Variants in RPL11 observed in about 807,000 individuals in gnomAD.
RPL11 encodes ribosomal protein L11.
A neutral mutation model predicts 24.1 loss-of-function variants in RPL11; 3 were observed. The observed-to-expected ratio is 0.12, with a 90% CI of 0.06 to 0.32. The LOEUF (loss-of-function observed/expected upper bound fraction) is 0.32. Ranked by LOEUF, RPL11 falls within the 10% of genes least tolerant of loss-of-function variation. The pLI is 1.00. For missense variants in RPL11, 146 were observed against 225.7 expected (o/e 0.65, Z 2.26); for synonymous variants, 96 against 75.7 (o/e 1.27, Z -1.39).
rs1424229767 is a variant in RPL11, at chr1:23,696,695, G to T, written c.*322G>T. The T allele has an allele frequency of 4.5e-6, 2 of 448,502 alleles. No individual in the cohort carries two copies. Among genetic ancestry groups the T allele is most frequent in the Admixed American group, 3.5e-5 (1 of 28,536 alleles). The allele number at this position is 448,502 out of a possible 1,614,324, so 27.8% of individuals were successfully genotyped here. On this transcript the variant is annotated 3_prime_UTR_variant, in exon 6 of 6. Transcript: ENST00000643754. Reference sequence around the variant, plus strand: ...GAATTTAGAGCCTTGGTTAAGCAGGGTGCAGTGCTCCTGTGTTCCAGGAGG... The same window carrying T: ...GAATTTAGAGCCTTGGTTAAGCAGGTTGCAGTGCTCCTGTGTTCCAGGAGG...
chr1:23,692,807 G>A (rs1422040468), intron 2 of RPL11, 48 bp downstream of exon 2: 1 of 1,610,632 alleles, frequency 6.2e-7, no homozygotes, highest in East Asian at 2.2e-5. Context: ...GGGTCGCTTG[G>A]TTGTTTCTTG....
At chr1:23,692,206 C>T (rs1644504714) in intron 1 of RPL11, 1 of 443,850 alleles carries the variant, frequency 2.3e-6, no homozygotes, top group Admixed American at 3.7e-5. Context: ...AGGTGCCAGC[C>T]TTTAGACAGC....
rs1273520076 is a variant in RPL11 at position 23,696,405 on chromosome 1, A to C, written c.*32A>C. On this transcript the variant is annotated 3_prime_UTR_variant, in exon 6 of 6. Coordinates refer to ENST00000643754, the MANE Select transcript of RPL11 (RefSeq NM_000975.5). ...GTTTCTATCCAAAAGAGCAATAAAAAGTTTTCAGTGAAATGTGCAATTCTG... is the reference window on the plus strand; with the variant it reads ...GTTTCTATCCAAAAGAGCAATAAAACGTTTTCAGTGAAATGTGCAATTCTG... 2.5e-6 allele frequency: 4 copies of C among 1,605,852 alleles called. No individual in the cohort carries two copies. Among genetic ancestry groups the C allele is most frequent in the East Asian group, 2.2e-5 (1 of 44,838 alleles).
At chr1:23,694,855 GT>G in intron 4 of RPL11, 64 bp downstream of exon 4, 1 of 1,609,572 alleles carries the variant, frequency 6.2e-7, no homozygotes, top group East Asian at 2.2e-5. Context: ...TATTTCATAT[GT>G]GGTATGTTGG....
chr1:23,694,562 C>G (rs1180081688), intron 3 of RPL11, 98 bp from the exon 4 acceptor site: 39 of 1,535,702 alleles, frequency 2.5e-5, no homozygotes, highest in Non-Finnish European at 3.1e-5. Flanking sequence ...TCTGTTTGCT[C>G]TGGGGTGCAT....
chr1:23,691,867 G>A (rs762152345), intron 1 of RPL11, 38 bp downstream of exon 1: 5 of 1,614,044 alleles, frequency 3.1e-6, no homozygotes, highest in Non-Finnish European at 4.2e-6. Flanking sequence ...TCCTTTATCC[G>A]TCGCCATCCA....
rs1644508953 is a variant in RPL11 at position 23,692,740 on chromosome 1, G to A, written c.138G>A (p.Gln46=). 2 of 1,613,854 alleles carry A rather than the reference G, an allele frequency of 1.2e-6. No individual in the cohort carries two copies. The highest frequency in any genetic ancestry group is 4.5e-5 in the East Asian group (2 of 44,884). The change falls in exon 2 of 6, where the codon CAG becomes CAA. Residue 46 remains glutamine, a synonymous_variant. Transcript: ENST00000643754. The part of the protein sequence containing the change: ...AAKVLEQLTG[Q]TPVFSKARYT... ...AGGTGTTGGAGCAGCTCACAGGGCA[G>A]ACCCCTGTGTTTTCCAAAGGTGAGT...
intron 2 of RPL11, 139 bp from the exon 3 acceptor site, chr1:23,693,668 C>T: frequency 2.9e-6 from 2 of 688,602 alleles, no homozygotes; most frequent in South Asian, 1.5e-5. Context: ...GTGGGAGACA[C>T]TAATTAGAAC....
At chr1:23,692,210 A>C in intron 1 of RPL11, 1 of 442,486 alleles carries the variant, frequency 2.3e-6, no homozygotes, top group South Asian at 2.4e-5. Context: ...GCCAGCCTTT[A>C]GACAGCTTCC....
chr1:23,695,090 G>A (rs1644525503), intron 4 of RPL11: 1 of 435,478 alleles, frequency 2.3e-6, no homozygotes, highest in African/African-American at 2.0e-5. Flanking sequence ...TTGAAACTTT[G>A]GAGAGAGGCA....
intron 4 of RPL11, 63 bp from the exon 5 acceptor site, chr1:23,695,735 A>G: frequency 7.2e-7 from 1 of 1,395,208 alleles, no homozygotes; most frequent in Non-Finnish European, 9.9e-7. Context: ...GTAATGTGTG[A>G]GTCTTGTCCA....
chr1:23,691,784 C>G (rs772755189), upstream of RPL11: 1 of 1,613,432 alleles, frequency 6.2e-7, no homozygotes, highest in Admixed American at 1.7e-5. Context: ...CCCATAAGGC[C>G]CTCGGCCGGA....
At chr1:23,695,213 G>C (rs1404648022) in intron 4 of RPL11, 1 of 311,696 alleles carries the variant, frequency 3.2e-6, no homozygotes, top group Non-Finnish European at 6.2e-6. Flanking sequence ...TCAGGAAGGG[G>C]GTTTTAACAT....
At position 23,692,772 on chromosome 1, in the gene RPL11, A is replaced by G; in HGVS notation, c.157+13A>G. ...GTGTTTTCCAAAGGTGAGTAGTCAC[A>G]AGGACATACAGGGTTTGCCTGCTTG... is the stretch of plus-strand genomic sequence containing the variant. On this transcript the variant is annotated intron_variant, in intron 2 of 5. Coordinates refer to ENST00000643754, the MANE Select transcript of RPL11 (RefSeq NM_000975.5). The G allele has an allele frequency of 1.2e-6, 2 of 1,612,844 alleles. No individual in the cohort carries two copies. The highest frequency in any genetic ancestry group is 1.7e-6 in the Non-Finnish European group (2 of 1,179,812).
chr1:23,694,133 T>G (rs553854712), intron 3 of RPL11, among the ~76,000 whole-genome samples: 1 of 152,152 alleles, frequency 6.6e-6, no homozygotes, highest in South Asian at 2.1e-4. Context: ...CCCAACACTT[T>G]GGGAGGCCAA....
intron 3 of RPL11, 89 bp from the exon 4 acceptor site, chr1:23,694,571 A>G (rs1644521851): frequency 4.5e-6 from 7 of 1,566,502 alleles, no homozygotes; most frequent in Admixed American, 3.3e-5. Context: ...TCTGGGGTGC[A>G]TGTTGCAGGC....
chr1:23,691,978 G>A, intron 1 of RPL11, 149 bp downstream of exon 1: 1 of 1,068,998 alleles, frequency 9.4e-7, no homozygotes, highest in Non-Finnish European at 1.4e-6. Context: ...TCGAGCCAAG[G>A]ACGCAGGGTT....
At chr1:23,692,006 C>T (rs1027883994) in intron 1 of RPL11, 177 bp downstream of exon 1, 13 of 871,300 alleles carry the variant, frequency 1.5e-5, no homozygotes, top group East Asian at 2.5e-5. Context: ...GTCACTTTCC[C>T]TGCCATCGTT....
upstream of RPL11, chr1:23,691,780 A>T (rs760079634): frequency 1.2e-6 from 2 of 1,612,790 alleles, no homozygotes; most frequent in South Asian, 2.2e-5. Context: ...CTGGCCCATA[A>T]GGCCCTCGGC....
Sources: gnomAD v4.1 joint callset for allele counts (sites outside exome capture counted in the v4.1 genomes callset) on GRCh38, gnomAD v4.1.1 for gene constraint, MANE v1.5 for transcripts, NCBI Gene and HGNC (gene_info 2026-07-23, HGNC 2026-07-21) for gene names.